Variants in FRMD3 observed in about 807,000 individuals in gnomAD.
The protein encoded by FRMD3 is FERM domain-containing protein 3.
FRMD3 carries 33 observed loss-of-function variants against 70.2 expected under a neutral mutation model. The ratio of observed to expected loss-of-function variants is 0.47; its 90% CI spans 0.36 to 0.63. The LOEUF (loss-of-function observed/expected upper bound fraction) is 0.63, where lower values mean the gene tolerates loss of function less well. Ranked by LOEUF, FRMD3 falls within the 20% of genes least tolerant of loss-of-function variation. The pLI is 0.00. For missense variants in FRMD3, 632 were observed against 711.4 expected (o/e 0.89, Z 1.27); for synonymous variants, 279 against 255.9 (o/e 1.09, Z -0.86).
At chr9:83,272,522 C>G (rs544756447) in intron 13 of FRMD3, among the ~76,000 whole-genome samples, 1 of 152,178 alleles carries the variant, frequency 6.6e-6, no homozygotes, top group African/African-American at 2.4e-5. Flanking sequence ...TCTGCCCGGC[C>G]GCCACCCCCT....
At chr9:83,341,239 G>C (rs7020576) in intron 5 of FRMD3, among the ~76,000 whole-genome samples, 2,228 of 152,194 alleles carry the variant, frequency 0.015, 69 homozygotes, top group African/African-American at 0.051. Context: ...GAGCCAAAAG[G>C]TCTTTTTGAG....
chr9:83,549,303 C>T, the FRMD3 span, among the ~76,000 whole-genome samples: 1 of 152,116 alleles, frequency 6.6e-6, no homozygotes, highest in African/African-American at 2.4e-5. Context: ...TTTATGACTG[C>T]ATAATATTCC....
At position 83,317,138 on chromosome 9, in the gene FRMD3, A is replaced by G. The variant is rs142390248; in HGVS notation, c.597-3391T>C. Among the ~76,000 whole-genome samples, 111 of 152,120 alleles carry G rather than the reference A, an allele frequency of 7.3e-4. 1 individual carries two copies. Among genetic ancestry groups the G allele is most frequent in the African/African-American group, 2.6e-3 (107 of 41,474 alleles). On this transcript the variant is annotated intron_variant, in intron 6 of 13. Coordinates refer to ENST00000304195, the MANE Select transcript of FRMD3 (RefSeq NM_174938.6). ...CAAGAAAGATCCTGTCTTAAAAAAA[A>G]AATACAGAAAACAAACTTATTGAAT...
chr9:83,276,645 G>A (rs1833802009), intron 13 of FRMD3: 1 of 152,224 alleles, frequency 6.6e-6, no homozygotes, highest in African/African-American at 2.4e-5. Flanking sequence ...AAAGAGAAGA[G>A]CAAATGGTCG....
chr9:83,392,382 T>C (rs916245821), intron 1 of FRMD3, among the ~76,000 whole-genome samples: 1 of 152,148 alleles, frequency 6.6e-6, no homozygotes, highest in African/African-American at 2.4e-5. Context: ...AGCTCAGTTC[T>C]TGCACTAAAC....
intron 1 of FRMD3, among the ~76,000 whole-genome samples, chr9:83,400,249 A>G (rs756072016): frequency 6.6e-6 from 1 of 152,190 alleles, no homozygotes; most frequent in Non-Finnish European, 1.5e-5. Context: ...CCTATAGACC[A>G]GCAATGAACA....
chr9:83,555,752 G>T, the FRMD3 span, among the ~76,000 whole-genome samples: 1 of 152,196 alleles, frequency 6.6e-6, no homozygotes, highest in Non-Finnish European at 1.5e-5. Context: ...AGTATCTAAG[G>T]CTCCAGGGTC....
chr9:83,337,115 G>T (rs1451706652), intron 5 of FRMD3, among the ~76,000 whole-genome samples: 1 of 152,152 alleles, frequency 6.6e-6, no homozygotes, highest in Non-Finnish European at 1.5e-5. Flanking sequence ...ATGCATGCCT[G>T]TGCCTTCCTT....
intron 10 of FRMD3, among the ~76,000 whole-genome samples, chr9:83,305,526 C>T (rs1835094796): frequency 6.6e-6 from 1 of 152,132 alleles, no homozygotes; most frequent in African/African-American, 2.4e-5. Flanking sequence ...TTCCAAAGCT[C>T]ACACTCATTA....
intron 13 of FRMD3, among the ~76,000 whole-genome samples, chr9:83,250,458 A>C (rs1832351744): frequency 6.6e-6 from 1 of 152,096 alleles, no homozygotes. Flanking sequence ...CTATCTGTAC[A>C]TATCCCTAGG....
chr9:83,483,585 C>T (rs1828618622), intron 1 of FRMD3, among the ~76,000 whole-genome samples: 1 of 152,144 alleles, frequency 6.6e-6, no homozygotes, highest in South Asian at 2.1e-4. Context: ...TAACTTGTGG[C>T]ACCATGGACA....
chr9:83,298,597 T>C (rs984914775), intron 12 of FRMD3, 151 bp downstream of exon 12: 1 of 639,546 alleles, frequency 1.6e-6, no homozygotes, highest in Non-Finnish European at 2.8e-6. Context: ...GCTCATGCCA[T>C]GGCCCAGGCA....
intron 1 of FRMD3, among the ~76,000 whole-genome samples, chr9:83,429,752 A>AT (rs1299569947): frequency 1.3e-5 from 2 of 151,790 alleles, no homozygotes; most frequent in Non-Finnish European, 2.9e-5. Flanking sequence ...CTTGGATTCC[A>AT]TTTTGCCCCT....
At chr9:83,294,497 C>A (rs1353290680) in intron 12 of FRMD3, among the ~76,000 whole-genome samples, 1 of 152,174 alleles carries the variant, frequency 6.6e-6, no homozygotes, top group Non-Finnish European at 1.5e-5. Context: ...GCCCGCCAGC[C>A]CAATTGAACT....
At chr9:83,483,089 T>C (rs922486713) in intron 1 of FRMD3, among the ~76,000 whole-genome samples, 1 of 152,168 alleles carries the variant, frequency 6.6e-6, no homozygotes, top group Admixed American at 6.5e-5. Context: ...TGAATTGTAA[T>C]CCCCACGTGT....
chr9:83,466,736 A>G (rs1828137458), intron 1 of FRMD3, among the ~76,000 whole-genome samples: 1 of 152,160 alleles, frequency 6.6e-6, no homozygotes, highest in Non-Finnish European at 1.5e-5. Context: ...TTTAACTGTG[A>G]TTCCCTGTGA....
intron 6 of FRMD3, among the ~76,000 whole-genome samples, chr9:83,327,828 G>A (rs1212698546): frequency 6.6e-6 from 1 of 152,142 alleles, no homozygotes; most frequent in African/African-American, 2.4e-5. Context: ...TGTTAGGAGA[G>A]ATCAATATCT....
chr9:83,562,606 G>A, the FRMD3 span, among the ~76,000 whole-genome samples: 1 of 152,212 alleles, frequency 6.6e-6, no homozygotes, highest in Non-Finnish European at 1.5e-5. Context: ...CACCTTAGCT[G>A]TCCTGTTCAC....
At chr9:83,501,844 G>A (rs1829076236) in intron 1 of FRMD3, among the ~76,000 whole-genome samples, 1 of 152,152 alleles carries the variant, frequency 6.6e-6, no homozygotes, top group African/African-American at 2.4e-5. Context: ...GTGACTCCAT[G>A]CATTTGAGTA....
Sources: gnomAD v4.1 joint callset for allele counts (sites outside exome capture counted in the v4.1 genomes callset) on GRCh38, gnomAD v4.1.1 for gene constraint, MANE v1.5 for transcripts, NCBI Gene and HGNC (gene_info 2026-07-23, HGNC 2026-07-21) for gene names.